ICE1: variants seen among roughly 807,000 people sequenced by gnomAD.
The protein encoded by ICE1 is little elongation complex subunit 1.
A neutral mutation model predicts 192.7 loss-of-function variants in ICE1; 64 were observed. The ratio of observed to expected loss-of-function variants is 0.33; its 90% CI spans 0.27 to 0.41. ICE1 has a LOEUF of 0.41. Ranked by LOEUF, ICE1 falls within the 10% of genes least tolerant of loss-of-function variation. The probability of loss-of-function intolerance (pLI) is 1.00; values close to 1 mark genes in which losing one functional copy is unlikely to be tolerated. For missense variants in ICE1, 2,708 were observed against 2,696.0 expected (o/e 1.00, Z -0.10); for synonymous variants, 1,010 against 984.5 (o/e 1.03, Z -0.49).
At chr5:5,478,673 G>A (rs1021383616) in intron 17 of ICE1, among the ~76,000 whole-genome samples, 5 of 152,156 alleles carry the variant, frequency 3.3e-5, no homozygotes, top group Non-Finnish European at 5.9e-5. Flanking sequence ...AAAGCTGGAA[G>A]TGTCACAGTA....
At chr5:5,450,563 A>G (rs950364546) in intron 10 of ICE1, among the ~76,000 whole-genome samples, 3 of 152,182 alleles carry the variant, frequency 2.0e-5, no homozygotes, top group African/African-American at 4.8e-5. Context: ...GAATATTCAT[A>G]TTCATAGGGG....
chr5:5,463,480 A>T lies in ICE1; in HGVS notation c.4146A>T (p.Ile1382=), dbSNP rs1321215896. 4.0e-5 allele frequency: 65 copies of T among 1,613,108 alleles called. No homozygotes were observed. Among genetic ancestry groups the T allele is most frequent in the Non-Finnish European group, 5.3e-5 (63 of 1,179,468 alleles). ...CTGACTCTGTGATGGAGCCATCCAT[A>T]GAGCAAAGTTCTAACTGCGAGGCCG... The part of the protein sequence containing the change: ...LCSDSVMEPS[I]EQSSNCEAET... The change falls in exon 13 of 19, where the codon ATA becomes ATT. Residue 1382 remains isoleucine, a synonymous_variant. Transcript: ENST00000296564.
Position 5,489,530 on chromosome 5 carries a change from C to T in ICE1, c.*200C>T, listed in dbSNP as rs914569384. The T allele has an allele frequency of 3.4e-5, 17 of 497,718 alleles. No homozygotes were observed. The highest frequency in any genetic ancestry group is 4.9e-5 in the Non-Finnish European group (14 of 285,540). 30.8% of individuals were successfully genotyped at this position (497,718 alleles called of 1,614,324 possible). A position where few individuals can be genotyped will look rare whatever the true frequency, so the allele number is the denominator to read the frequency against. Reference sequence around the variant, plus strand: ...TAGTCGTTTTTCCCTAAATCTAATACGTTTCACTTAAGGCTGTTGTGATCT... The same window carrying T: ...TAGTCGTTTTTCCCTAAATCTAATATGTTTCACTTAAGGCTGTTGTGATCT... On this transcript the variant is annotated 3_prime_UTR_variant, in exon 19 of 19. Coordinates refer to ENST00000296564, the MANE Select transcript of ICE1 (RefSeq NM_015325.3).
At position 5,423,015 on chromosome 5, in the gene ICE1, G is replaced by C; in HGVS notation, c.84+16G>C. On this transcript the variant is annotated intron_variant, in intron 1 of 18. Transcript: ENST00000296564. ...TCTGCAGCAGGTGCAGCACCTCCCGGGGCCCCGGGCGCGGGGGGGGACTCG... is the reference window on the plus strand; with the variant it reads ...TCTGCAGCAGGTGCAGCACCTCCCGCGGCCCCGGGCGCGGGGGGGGACTCG... 7.3e-7 allele frequency: 1 copy of C among 1,361,114 alleles called. No homozygotes were observed. The highest frequency in any genetic ancestry group is 1.7e-5 in the South Asian group (1 of 60,058). The allele number at this position is 1,361,114 out of a possible 1,614,324, so 84.3% of individuals were successfully genotyped here.
intron 6 of ICE1, among the ~76,000 whole-genome samples, chr5:5,443,541 T>C (rs1276831453): frequency 6.6e-6 from 1 of 152,214 alleles, no homozygotes; most frequent in Non-Finnish European, 1.5e-5. Context: ...TGCATGCACA[T>C]GTGTCTGTGT....
intron 1 of ICE1, among the ~76,000 whole-genome samples, chr5:5,431,965 G>T (rs1171432971): frequency 6.6e-6 from 1 of 151,106 alleles, no homozygotes; most frequent in Admixed American, 6.6e-5. Flanking sequence ...TCGTGTCTGG[G>T]TTTTTATTTT....
Position 5,461,638 on chromosome 5 carries a change from C to T in ICE1, c.2304C>T (p.Phe768=), listed in dbSNP as rs781781085. The T allele has an allele frequency of 6.2e-7, 1 of 1,613,654 alleles. No individual in the cohort carries two copies. Among genetic ancestry groups the T allele is most frequent in the South Asian group, 1.1e-5 (1 of 90,976 alleles). The change falls in exon 13 of 19, where the codon TTC becomes TTT. Residue 768 remains phenylalanine (F), a synonymous_variant. Transcript: ENST00000296564. The stretch of plus-strand genomic sequence containing the variant: ...AGCTCACACTAAATAAGCCAGATTT[C>T]ACATCATTAATAGGTTCTCAGGCTG... ...RIELTLNKPD[F]TSLIGSQAAL...
chr5:5,479,168 A>G (rs1472363307), intron 17 of ICE1, among the ~76,000 whole-genome samples: 1 of 152,238 alleles, frequency 6.6e-6, no homozygotes, highest in Non-Finnish European at 1.5e-5. Context: ...GGCATCCTAC[A>G]GAATGGGAGA....
chr5:5,465,220 A>C lies in ICE1; in HGVS notation c.5886A>C (p.Thr1962=). 1 of 1,563,618 alleles carries C rather than the reference A, an allele frequency of 6.4e-7. No homozygotes were observed. ...AAGTTGTTTATGAATTTAGCACAAC[A>C]AAAAAGGTATGTGGCTGCTCTTTTC... ...EKEVVYEFST[T]KKHLAECLLH... is the part of the protein sequence containing the mutation. The change falls in exon 13 of 19, where the codon ACA becomes ACC. Residue 1962 remains threonine, a synonymous_variant. Transcript: ENST00000296564.
Position 5,441,217 on chromosome 5 carries a change from GA to G in ICE1, c.308del (p.Lys103ArgfsTer4). 2.6e-6 allele frequency: 4 copies of G among 1,533,622 alleles called. No individual in the cohort carries two copies. The highest frequency in any genetic ancestry group is 3.5e-6 in the Non-Finnish European group (4 of 1,129,858). The stretch of plus-strand genomic sequence containing the variant: ...GATCTTTAAAAGCAGAGCTAGAAGA[GA>G]AAAAGGTATGAACAATAATTTTCTG... ...LGSLKAELEE[K>X]KSSLKLYQDT... On this transcript the variant is annotated frameshift_variant, in exon 5 of 19. Coordinates refer to ENST00000296564, the MANE Select transcript of ICE1 (RefSeq NM_015325.3). LOFTEE classifies it high-confidence loss of function.
Position 5,489,385 on chromosome 5 carries a change from G to A in ICE1, c.*55G>A. ...CCTTGACACATTTTGAACACAAATAGTTTGATCAGCTTTCAGAATACAAAG... is the reference window on the plus strand; with the variant it reads ...CCTTGACACATTTTGAACACAAATAATTTGATCAGCTTTCAGAATACAAAG... On this transcript the variant is annotated 3_prime_UTR_variant, in exon 19 of 19. Transcript: ENST00000296564. 6.9e-7 allele frequency: 1 copy of A among 1,441,894 alleles called. No homozygotes were observed. Among genetic ancestry groups the A allele is most frequent in the Non-Finnish European group, 9.3e-7 (1 of 1,072,142 alleles). 89.3% of individuals were successfully genotyped at this position (1,441,894 alleles called of 1,614,324 possible). A position where few individuals can be genotyped will look rare whatever the true frequency, so the allele number is the denominator to read the frequency against.
In ICE1 at chr5:5,463,106, A is replaced by G; in HGVS notation, c.3772A>G (p.Thr1258Ala). ...TSQLTQCSLE[T>A]LSEVLTKIRQ... ...TCAGCTCACTCAGTGTTCTTTGGAA[A>G]CTCTGTCTGAGGTTCTGACCAAGAT... The change falls in exon 13 of 19, where the codon ACT (threonine) becomes GCT (alanine). Residue 1258 changes from threonine to alanine, a missense_variant. Physicochemically the swap from Thr to Ala is moderately conservative, Grantham distance 58. This residue lies in a region of ICE1 where 2,366 missense variants were observed against 2,276.6 expected (regional missense o/e 1.04). Transcript: ENST00000296564. 5 of 1,613,318 alleles carry G rather than the reference A, an allele frequency of 3.1e-6. No individual in the cohort carries two copies. The highest frequency in any genetic ancestry group is 4.2e-6 in the Non-Finnish European group (5 of 1,179,646).
intron 1 of ICE1, 105 bp downstream of exon 1, chr5:5,423,104 G>C (rs933799627): frequency 1.7e-6 from 1 of 598,424 alleles, no homozygotes; most frequent in African/African-American, 1.9e-5. Flanking sequence ...TCAGTGCGCT[G>C]CTCTCCCTTC....
chr5:5,455,080 C>T (rs1214858475), intron 11 of ICE1, among the ~76,000 whole-genome samples: 1 of 152,090 alleles, frequency 6.6e-6, no homozygotes, highest in Non-Finnish European at 1.5e-5. Context: ...TTTAGCTGTC[C>T]TGAGTAGAAG....
rs756686984 is a variant in ICE1, at chr5:5,468,943, A to G, written c.6177A>G (p.Lys2059=). The change falls in exon 15 of 19, where the codon AAA becomes AAG. Residue 2059 remains lysine (K), a synonymous_variant. Transcript: ENST00000296564. ...AGTTAGTTGCCAGGCAACGTGCTAA[A>G]GGAGAGGTTCTGAACTGCTTGAGAG... ...AMQLVARQRA[K]GEVLNCLRAF... 10 of 1,605,850 alleles carry G rather than the reference A, an allele frequency of 6.2e-6. No homozygotes were observed. In the Admixed American group the frequency reaches 1.5e-4, roughly 25 times the overall value.
intron 1 of ICE1, among the ~76,000 whole-genome samples, chr5:5,424,854 G>A (rs1737476499): frequency 6.6e-6 from 1 of 152,226 alleles, no homozygotes; most frequent in Admixed American, 6.5e-5. Flanking sequence ...GAAGGCCAGT[G>A]AAGCTGGAGC....
chr5:5,475,781 G>A (rs756446062), intron 16 of ICE1, among the ~76,000 whole-genome samples, 192 bp from the exon 17 acceptor site: 4 of 152,182 alleles, frequency 2.6e-5, no homozygotes, highest in Admixed American at 6.5e-5. Context: ...TTGCAGCCAC[G>A]TTTAAGCTAG....
At chr5:5,468,443 A>G (rs988288679) in intron 14 of ICE1, among the ~76,000 whole-genome samples, 1 of 152,206 alleles carries the variant, frequency 6.6e-6, no homozygotes, top group Admixed American at 6.5e-5. Flanking sequence ...TGTAGGAGAA[A>G]GTATTTACAA....
chr5:5,425,188 C>T lies in ICE1; in HGVS notation c.84+2189C>T, dbSNP rs368198383. On this transcript the variant is annotated intron_variant, in intron 1 of 18. Transcript: ENST00000296564. ...TTTTCAACATCTCCACTGCTTCCAC[C>T]GTGGTGTGAACTACTCTAATGTATG... Among the ~76,000 whole-genome samples the T allele has an allele frequency of 1.3e-4, 20 of 152,266 alleles. 1 individual carries two copies. The highest frequency in any genetic ancestry group is 4.6e-4 in the African/African-American group (19 of 41,550).
Sources: allele counts gnomAD v4.1 joint callset (sites outside exome capture counted in the v4.1 genomes callset), GRCh38; gene constraint gnomAD v4.1.1; regional missense constraint gnomAD v4.1.1; transcripts MANE v1.5; gene names NCBI Gene and HGNC (gene_info 2026-07-23, HGNC 2026-07-21).